The following DSCAM variants were observed in gnomAD, a reference collection of about 807,000 sequenced individuals.
DSCAM encodes DS cell adhesion molecule.
Under a neutral mutation model 217.7 loss-of-function variants are expected in DSCAM, and 47 were observed. The ratio of observed to expected loss-of-function variants is 0.22; its 90% confidence interval spans 0.17 to 0.28. DSCAM has a LOEUF of 0.28. DSCAM is among the 10% of genes least tolerant of loss of function. DSCAM has a pLI of 1.00. For synonymous variants in DSCAM, 1,056 were observed against 1,015.3 expected, an observed-to-expected ratio of 1.04 and a Z score of -0.76; for missense variants, 2,080 against 2,618.3, an observed-to-expected ratio of 0.79 and a Z score of 4.49.
At chr21:40,277,621 C>A (rs375876456) in intron 10 of DSCAM, among the ~76,000 whole-genome samples, 3 of 150,952 alleles carry the variant, frequency 2.0e-5, no homozygotes, top group Non-Finnish European at 2.9e-5. Context: ...AGGGGACATA[C>A]GACAACCTGA....
chr21:40,739,954 A>ATTTTTTT (rs56815777), intron 1 of DSCAM, among the ~76,000 whole-genome samples: 3 of 58,932 alleles, frequency 5.1e-5, no homozygotes, highest in Non-Finnish European at 8.8e-5. Context: ...TGCAGGTGTA[A>ATTTTTTT]TTTTTTTTTT....
At chr21:40,249,823 C>G (rs2073278020) in intron 11 of DSCAM, among the ~76,000 whole-genome samples, 1 of 152,112 alleles carries the variant, frequency 6.6e-6, no homozygotes, top group African/African-American at 2.4e-5. Flanking sequence ...AAGAGAACAA[C>G]CTCCAAGCTC....
At chr21:40,574,776 T>G (rs1467163878) in intron 3 of DSCAM, among the ~76,000 whole-genome samples, 9 of 150,548 alleles carry the variant, frequency 6.0e-5, no homozygotes, top group Non-Finnish European at 1.2e-4. Flanking sequence ...GGCAGGGTCT[T>G]GGCTCACTGC....
At chr21:40,716,381 T>C (rs960546375) in intron 1 of DSCAM, among the ~76,000 whole-genome samples, 1 of 114,368 alleles carries the variant, frequency 8.7e-6, no homozygotes, top group African/African-American at 3.7e-5. Flanking sequence ...ATGTGAATTA[T>C]GTGTGTGTGT....
chr21:40,707,865 T>A (rs530422373), intron 2 of DSCAM, among the ~76,000 whole-genome samples: 1 of 152,236 alleles, frequency 6.6e-6, no homozygotes, highest in Admixed American at 6.5e-5. Flanking sequence ...CAATGGTGAT[T>A]AAAAAAAGAC....
chr21:40,247,711 A>G (rs147176263), intron 11 of DSCAM, among the ~76,000 whole-genome samples: 1,738 of 152,244 alleles, frequency 0.011, 17 homozygotes, highest in Non-Finnish European at 0.015. Flanking sequence ...ACATGATGCA[A>G]ACTGTCAGTG....
chr21:40,400,603 G>A (rs1241884901), intron 3 of DSCAM, among the ~76,000 whole-genome samples: 2 of 152,216 alleles, frequency 1.3e-5, no homozygotes, highest in Non-Finnish European at 1.5e-5. Context: ...TTGTTGTAGA[G>A]ACAAGGTCTT....
chr21:40,030,909 A>G (rs1269419563), intron 32 of DSCAM, among the ~76,000 whole-genome samples: 1 of 152,084 alleles, frequency 6.6e-6, no homozygotes, highest in Non-Finnish European at 1.5e-5. Flanking sequence ...ATGTATGTAC[A>G]TGGGGTCTTC....
intron 10 of DSCAM, among the ~76,000 whole-genome samples, chr21:40,295,029 T>C (rs1013228645): frequency 6.6e-6 from 1 of 152,200 alleles, no homozygotes; most frequent in South Asian, 2.1e-4. Flanking sequence ...AAATGTACCA[T>C]TTATTTTTCC....
chr21:40,693,439 A>G (rs2090561827), intron 2 of DSCAM, among the ~76,000 whole-genome samples: 2 of 152,098 alleles, frequency 1.3e-5, no homozygotes, highest in African/African-American at 4.8e-5. Context: ...TACACTCTAT[A>G]CCAAGGGGCC....
chr21:40,096,693 C>T (rs2089681820), intron 20 of DSCAM, among the ~76,000 whole-genome samples: 1 of 151,118 alleles, frequency 6.6e-6, no homozygotes, highest in Non-Finnish European at 1.5e-5. Context: ...GAATTCTAGC[C>T]ACAAGAATAT....
chr21:40,591,821 C>T (rs1318254664), intron 3 of DSCAM, among the ~76,000 whole-genome samples: 3 of 152,124 alleles, frequency 2.0e-5, no homozygotes, highest in Admixed American at 6.5e-5. Context: ...AAAATGCATT[C>T]GATTTCTAAT....
intron 3 of DSCAM, among the ~76,000 whole-genome samples, chr21:40,605,007 T>G (rs772838823): frequency 6.6e-6 from 1 of 152,204 alleles, no homozygotes; most frequent in Admixed American, 6.5e-5. Flanking sequence ...GGTTTTCTTA[T>G]AGAGAATGCA....
At chr21:40,024,616 T>C in intron 32 of DSCAM, among the ~76,000 whole-genome samples, 1 of 70,620 alleles carries the variant, frequency 1.4e-5, no homozygotes, top group Non-Finnish European at 3.0e-5. Context: ...CTAGGTATTT[T>C]ATTCTCTTTG....
intron 3 of DSCAM, among the ~76,000 whole-genome samples, chr21:40,477,577 C>T (rs2075948119): frequency 6.6e-6 from 1 of 152,046 alleles, no homozygotes; most frequent in African/African-American, 2.4e-5. Context: ...GCATATGAAA[C>T]TTAGTAAGTT....
chr21:40,293,896 G>GA, intron 10 of DSCAM, among the ~76,000 whole-genome samples: 1 of 152,262 alleles, frequency 6.6e-6, no homozygotes, highest in South Asian at 2.1e-4. Context: ...ATTGTTGACT[G>GA]AAGAAAGATT....
chr21:40,563,460 AATATAT>A (rs964966810), intron 3 of DSCAM, among the ~76,000 whole-genome samples: 1 of 147,194 alleles, frequency 6.8e-6, no homozygotes, highest in Non-Finnish European at 1.5e-5. Flanking sequence ...TATATTTTGA[AATATAT>A]ATATATATTT....
intron 3 of DSCAM, among the ~76,000 whole-genome samples, chr21:40,409,351 T>C (rs1199529173): frequency 2.6e-5 from 4 of 152,236 alleles, no homozygotes; most frequent in African/African-American, 4.8e-5. Flanking sequence ...TTTATAAATT[T>C]GGAAAACATG....
At chr21:40,054,316 C>A (rs1440302008) in intron 29 of DSCAM, among the ~76,000 whole-genome samples, 1 of 152,222 alleles carries the variant, frequency 6.6e-6, no homozygotes, top group East Asian at 1.9e-4. Context: ...GTTAGCTGAT[C>A]AAGAGCCACT....
Sources: gnomAD v4.1 joint callset for allele counts (sites outside exome capture counted in the v4.1 genomes callset) on GRCh38, gnomAD v4.1.1 for gene constraint, MANE v1.5 for transcripts, NCBI Gene and HGNC (gene_info 2026-07-23, HGNC 2026-07-21) for gene names.